The following ABCC1 variants were observed in gnomAD, a reference collection of about 807,000 sequenced individuals.
ABCC1 encodes the protein multidrug resistance-associated protein 1.
A neutral mutation model predicts 172.9 loss-of-function variants in ABCC1; 83 were observed. That is an observed-to-expected ratio of 0.48 (90% CI 0.40 to 0.58). The LOEUF is 0.58. Ranked by LOEUF, ABCC1 falls within the 20% of genes least tolerant of loss-of-function variation. The probability of loss-of-function intolerance (pLI) is 0.00; values close to 1 mark genes in which losing one functional copy is unlikely to be tolerated. For missense variants in ABCC1, 1,817 were observed against 2,002.7 expected (o/e 0.91, Z 1.77); for synonymous variants, 937 against 825.2 (o/e 1.14, Z -2.32).
chr16:16,075,546 G>A (rs867187469), intron 14 of ABCC1, among the ~76,000 whole-genome samples: 4 of 152,064 alleles, frequency 2.6e-5, no homozygotes, highest in South Asian at 2.1e-4. Flanking sequence ...TGGGAGAATC[G>A]CCTGCGCCTG....
intron 9 of ABCC1, 150 bp from the exon 10 acceptor site, chr16:16,047,992 C>T (rs981754036): frequency 1.6e-5 from 16 of 1,024,910 alleles, no homozygotes; most frequent in Non-Finnish European, 2.2e-5. Context: ...ACACAGGCGT[C>T]CTGGGCAGAC....
intron 18 of ABCC1, among the ~76,000 whole-genome samples, chr16:16,089,956 A>G (rs2051174909): frequency 1.3e-5 from 2 of 151,430 alleles, no homozygotes; most frequent in African/African-American, 4.9e-5. Flanking sequence ...ACACACTTGT[A>G]TGGTTCCCTC....
chr16:16,060,285 G>A (rs1357176177), intron 12 of ABCC1, among the ~76,000 whole-genome samples: 1 of 152,118 alleles, frequency 6.6e-6, no homozygotes, highest in East Asian at 1.9e-4. Flanking sequence ...CATGCCCACA[G>A]CAGACACCCA....
chr16:16,052,472 ACT>A (rs906647174), intron 10 of ABCC1, among the ~76,000 whole-genome samples: 47 of 152,140 alleles, frequency 3.1e-4, no homozygotes, highest in African/African-American at 1.1e-3. Flanking sequence ...AATTTGCAAA[ACT>A]CATGTGGCCC....
chr16:15,987,641 C>A (rs929238653), intron 1 of ABCC1, among the ~76,000 whole-genome samples: 2 of 152,186 alleles, frequency 1.3e-5, no homozygotes, highest in African/African-American at 4.8e-5. Flanking sequence ...CAAACTTGCC[C>A]CCACTTGAGA....
chr16:16,052,654 C>A, intron 10 of ABCC1, 70 bp from the exon 11 acceptor site: 1 of 1,488,028 alleles, frequency 6.7e-7, no homozygotes, highest in Admixed American at 1.7e-5. Flanking sequence ...ATGGATCAAC[C>A]GGGGAAGCTG....
intron 15 of ABCC1, 80 bp downstream of exon 15, chr16:16,076,481 G>C: frequency 7.4e-7 from 1 of 1,354,260 alleles, no homozygotes. Context: ...AATTCCCACC[G>C]TGCTCCCTCT....
At chr16:16,123,845 C>CT (rs2045280357) in intron 24 of ABCC1, among the ~76,000 whole-genome samples, 1 of 151,912 alleles carries the variant, frequency 6.6e-6, no homozygotes, top group African/African-American at 2.4e-5. Context: ...GACCCTGTCT[C>CT]TAAAAACAAA....
At chr16:16,098,859 T>C (rs766436625) in intron 19 of ABCC1, 2 of 1,352,102 alleles carry the variant, frequency 1.5e-6, no homozygotes, top group African/African-American at 1.5e-5. Context: ...ATCTTGGGTC[T>C]TCTGAATTCC....
chr16:16,136,042 AT>A (rs527249324), intron 28 of ABCC1, among the ~76,000 whole-genome samples: 14 of 145,648 alleles, frequency 9.6e-5, no homozygotes, highest in Middle Eastern at 3.5e-3. Context: ...TATTAAGGCA[AT>A]TTTTTTTTTG....
chr16:16,092,658 T>G (rs961524942), intron 19 of ABCC1, among the ~76,000 whole-genome samples: 2 of 152,222 alleles, frequency 1.3e-5, no homozygotes, highest in Admixed American at 6.5e-5. Flanking sequence ...TTTCTGACTC[T>G]TGTGAATACT....
At chr16:16,090,767 G>A (rs1596483643) in intron 19 of ABCC1, among the ~76,000 whole-genome samples, 179 bp downstream of exon 19, 1 of 152,104 alleles carries the variant, frequency 6.6e-6, no homozygotes, top group South Asian at 2.1e-4. Flanking sequence ...TCCCTGCAGC[G>A]CTGAACTGGG....
At chr16:15,995,977 GTTTTTTTTTTT>G (rs565769136) in intron 1 of ABCC1, among the ~76,000 whole-genome samples, 95 of 98,620 alleles carry the variant, frequency 9.6e-4, no homozygotes, top group African/African-American at 3.8e-3. Flanking sequence ...GCCCAGCTAA[GTTTTTTTTTTT>G]TTTTTTTTTT....
At chr16:16,100,987 T>A (rs1350912753) in intron 19 of ABCC1, among the ~76,000 whole-genome samples, 3 of 151,884 alleles carry the variant, frequency 2.0e-5, no homozygotes, top group Non-Finnish European at 4.4e-5. Flanking sequence ...AATTTTTTGG[T>A]TTATTTTCTT....
At chr16:16,089,362 C>T (rs3851712) in intron 18 of ABCC1, among the ~76,000 whole-genome samples, 60,919 of 151,726 alleles carry the variant, frequency 0.4, 14,464 homozygotes, top group Non-Finnish European at 0.53. Context: ...GCCTGGACAA[C>T]ATGATGAGAC....
In ABCC1 at chr16:15,999,809, C is replaced by CTCTCTCTCTCT. The variant is rs374395529; in HGVS notation, c.49-8007_49-8006insTCTCTCTCTCT. Among the ~76,000 whole-genome samples, 6 of 8,374 alleles carry CTCTCTCTCTCT rather than the reference C, an allele frequency of 7.2e-4. 1 individual carries two copies. The highest frequency in any genetic ancestry group is 5.4e-3 in the South Asian group (1 of 184). 5.5% of individuals were successfully genotyped at this position (8,374 alleles called of 152,430 possible). A position where few individuals can be genotyped will look rare whatever the true frequency, so the allele number is the denominator to read the frequency against. ...TCTCTCTCTCTCTCTCTCTCTCTCT[C>CTCTCTCTCTCT]CTCTCTCTCTCTCTCTCTCTCTCTG... is the stretch of plus-strand genomic sequence containing the variant. On this transcript the variant is annotated intron_variant, in intron 1 of 30. Coordinates refer to ENST00000399410, the MANE Select transcript of ABCC1 (RefSeq NM_004996.4).
In ABCC1 at chr16:16,111,585, T is replaced by A. The variant is rs1377826667; in HGVS notation, c.3079+3T>A. 1 of 1,611,560 alleles carries A rather than the reference T, an allele frequency of 6.2e-7. No individual in the cohort carries two copies. The highest frequency in any genetic ancestry group is 8.5e-7 in the Non-Finnish European group (1 of 1,179,330). On this transcript the variant is annotated splice_donor_region_variant and intron_variant, in intron 22 of 30. Transcript: ENST00000399410. ...TGGAGCCCTGGGCATTTCACAAGGT[T>A]GGTGCCGCTGTCTCCCACCCCGCCT... is the stretch of plus-strand genomic sequence containing the variant.
At position 15,982,803 on chromosome 16, in the gene ABCC1, C is replaced by CAAAAAAAA. The variant is rs148834444; in HGVS notation, c.49-24999_49-24992dup. Among the ~76,000 whole-genome samples the CAAAAAAAA allele has an allele frequency of 1.9e-3, 84 of 43,204 alleles. 3 individuals are homozygous for CAAAAAAAA. The highest frequency in any genetic ancestry group is 3.9e-3 in the African/African-American group (46 of 11,928). 28.3% of individuals were successfully genotyped at this position (43,204 alleles called of 152,430 possible). Reference sequence around the variant, plus strand: ...TCTGGGCAACAGAGTGAGACGCTGTCAAAAAAAAAAAAAAAAAAAAAGGAA... The same window carrying CAAAAAAAA: ...TCTGGGCAACAGAGTGAGACGCTGTCAAAAAAAAAAAAAAAAAAAAAAAAAAAAAGGAA... On this transcript the variant is annotated intron_variant, in intron 1 of 30. Coordinates refer to ENST00000399410, the MANE Select transcript of ABCC1 (RefSeq NM_004996.4).
chr16:16,076,023 T>C (rs1596466119), intron 14 of ABCC1, among the ~76,000 whole-genome samples: 1 of 119,050 alleles, frequency 8.4e-6, no homozygotes, highest in Admixed American at 8.5e-5. Flanking sequence ...CATTGAGTAA[T>C]TCTCATGCGG....
Sources: allele counts gnomAD v4.1 joint callset (sites outside exome capture counted in the v4.1 genomes callset), GRCh38; gene constraint gnomAD v4.1.1; transcripts MANE v1.5; gene names NCBI Gene and HGNC (gene_info 2026-07-23, HGNC 2026-07-21).